Variants in APH1B observed in about 807,000 individuals in gnomAD.
APH1B encodes the protein gamma-secretase subunit APH-1B.
APH1B carries 27 observed loss-of-function variants against 28.2 expected under a neutral mutation model. The observed-to-expected ratio is 0.96, with a 90% CI of 0.70 to 1.32. The LOEUF is 1.32. Ranked by LOEUF, APH1B falls within the 40% of genes most tolerant of loss-of-function variation. The probability of loss-of-function intolerance (pLI) is 0.00; values close to 1 mark genes in which losing one functional copy is unlikely to be tolerated. For synonymous variants in APH1B, 141 were observed against 124.6 expected, an observed-to-expected ratio of 1.13 and a Z score of -0.88; for missense variants, 305 against 313.6, an observed-to-expected ratio of 0.97 and a Z score of 0.21.
chr15:63,277,773 C>T, intron 1 of APH1B, 37 bp downstream of exon 1: 2 of 1,581,108 alleles, frequency 1.3e-6, no homozygotes, highest in Middle Eastern at 1.7e-4. Flanking sequence ...GACGCCGGGG[C>T]TCCCCTCCCC....
intron 4 of APH1B, chr15:63,292,057 C>T (rs760008533): frequency 2.6e-5 from 4 of 152,162 alleles, no homozygotes; most frequent in Non-Finnish European, 5.9e-5. Context: ...CTTTCATTCA[C>T]TTTTCTATTC....
intron 4 of APH1B, among the ~76,000 whole-genome samples, chr15:63,299,269 A>T (rs1309318821): frequency 6.6e-6 from 1 of 152,206 alleles, no homozygotes; most frequent in Non-Finnish European, 1.5e-5. Context: ...GGACCAAGAA[A>T]TATGGACCTA....
At chr15:63,299,503 C>T (rs2152600573) in intron 4 of APH1B, among the ~76,000 whole-genome samples, 1 of 152,228 alleles carries the variant, frequency 6.6e-6, no homozygotes, top group South Asian at 2.1e-4. Context: ...CTCCCAGGTT[C>T]ACGCCATTCT....
intron 4 of APH1B, among the ~76,000 whole-genome samples, chr15:63,293,583 C>G (rs1236172079): frequency 6.6e-6 from 1 of 151,898 alleles, no homozygotes; most frequent in African/African-American, 2.4e-5. Context: ...CTGCAACCTC[C>G]GCCTTCCAGG....
At chr15:63,299,882 G>C in intron 4 of APH1B, among the ~76,000 whole-genome samples, 1 of 151,928 alleles carries the variant, frequency 6.6e-6, no homozygotes, top group East Asian at 1.9e-4. Flanking sequence ...GAGCTCTTGT[G>C]CTAAATGTAC....
At chr15:63,288,716 A>G (rs577880645) in intron 4 of APH1B, among the ~76,000 whole-genome samples, 1 of 152,358 alleles carries the variant, frequency 6.6e-6, no homozygotes, top group East Asian at 1.9e-4. Context: ...CCAACATAGC[A>G]AATTATCTTT....
intron 1 of APH1B, 177 bp downstream of exon 1, chr15:63,277,913 A>G (rs1437988001): frequency 6.4e-6 from 4 of 628,976 alleles, no homozygotes; most frequent in Non-Finnish European, 1.1e-5. Flanking sequence ...CCTCTTAGGA[A>G]GAAGCGCACA....
In APH1B at chr15:63,286,540, T is replaced by C. The variant is rs202110393; in HGVS notation, c.285-18T>C. On this transcript the variant is annotated intron_variant, in intron 2 of 5. Coordinates refer to ENST00000261879, the MANE Select transcript of APH1B (RefSeq NM_031301.4). ...TTTTTTTTTTTTCTTCTTAATTACA[T>C]GTGTGGTTTTATTTTAGAAAAGCCA... is the stretch of plus-strand genomic sequence containing the variant. The C allele has an allele frequency of 1.9e-6, 3 of 1,548,810 alleles. No homozygotes were observed. The highest frequency in any genetic ancestry group is 2.6e-6 in the Non-Finnish European group (3 of 1,142,796).
At chr15:63,300,324 A>G (rs961682531) in intron 4 of APH1B, among the ~76,000 whole-genome samples, 1 of 152,158 alleles carries the variant, frequency 6.6e-6, no homozygotes, top group Non-Finnish European at 1.5e-5. Flanking sequence ...CAATATTCAG[A>G]AAGAATGGCA....
intron 4 of APH1B, among the ~76,000 whole-genome samples, chr15:63,297,169 C>A (rs974840173): frequency 1.3e-5 from 2 of 152,172 alleles, no homozygotes; most frequent in Non-Finnish European, 1.5e-5. Context: ...TTTTATTAAT[C>A]TGGGTTATAA....
intron 2 of APH1B, among the ~76,000 whole-genome samples, chr15:63,286,121 C>A (rs368819031): frequency 1.4e-4 from 21 of 152,120 alleles, no homozygotes; most frequent in Admixed American, 3.9e-4. Context: ...GTGACAGAGC[C>A]AGTATAGTCC....
At chr15:63,285,132 A>C (rs1185875598) in intron 2 of APH1B, among the ~76,000 whole-genome samples, 1 of 152,214 alleles carries the variant, frequency 6.6e-6, no homozygotes, top group African/African-American at 2.4e-5. Context: ...CCAAAATGGC[A>C]GATTGTTTCT....
At chr15:63,302,282 T>G in intron 4 of APH1B, 63 bp from the exon 5 acceptor site, 1 of 1,590,956 alleles carries the variant, frequency 6.3e-7, no homozygotes, top group Non-Finnish European at 8.6e-7. Flanking sequence ...CCGTGCACAG[T>G]GCCAGGGTCC....
chr15:63,279,862 A>G (rs2038367178), intron 2 of APH1B, among the ~76,000 whole-genome samples: 1 of 151,218 alleles, frequency 6.6e-6, no homozygotes, highest in African/African-American at 2.4e-5. Flanking sequence ...CAATGGTGCA[A>G]TCTCAGCTCA....
intron 2 of APH1B, among the ~76,000 whole-genome samples, chr15:63,281,329 C>CT (rs1002001354): frequency 2.6e-5 from 4 of 151,784 alleles, no homozygotes; most frequent in African/African-American, 9.7e-5. Context: ...GCTGTTTGTT[C>CT]TTTTTGGTCA....
chr15:63,289,152 A>C (rs1455152922), intron 4 of APH1B, among the ~76,000 whole-genome samples: 3 of 152,244 alleles, frequency 2.0e-5, no homozygotes, highest in Admixed American at 2.0e-4. Context: ...CTAAGTTAGC[A>C]TGGCAGACTG....
chr15:63,299,626 G>A (rs1190511439), intron 4 of APH1B, among the ~76,000 whole-genome samples: 4 of 152,014 alleles, frequency 2.6e-5, no homozygotes, highest in Admixed American at 2.0e-4. Context: ...GGATGGTCTC[G>A]ATCTCCTGAC....
intron 2 of APH1B, among the ~76,000 whole-genome samples, chr15:63,285,025 T>C (rs1432094588): frequency 1.3e-5 from 2 of 152,214 alleles, no homozygotes; most frequent in African/African-American, 2.4e-5. Flanking sequence ...TTTAGGAAAA[T>C]TGGACATTTT....
intron 4 of APH1B, among the ~76,000 whole-genome samples, chr15:63,298,566 A>G (rs2038592010): frequency 6.6e-6 from 1 of 152,206 alleles, no homozygotes; most frequent in Non-Finnish European, 1.5e-5. Flanking sequence ...ATAAATGGTC[A>G]TTGCTGGCTG....
Sources: allele counts gnomAD v4.1 joint callset (sites outside exome capture counted in the v4.1 genomes callset), GRCh38; gene constraint gnomAD v4.1.1; transcripts MANE v1.5; gene names NCBI Gene and HGNC (gene_info 2026-07-23, HGNC 2026-07-21).